Variants in ZRANB3 observed in about 807,000 individuals in gnomAD.
ZRANB3 encodes the protein zinc finger RANBP2-type containing 3, also known as DNA annealing helicase and endonuclease ZRANB3.
Under a neutral mutation model 133.8 loss-of-function variants are expected in ZRANB3, and 125 were observed. That is an observed-to-expected ratio of 0.93 (90% CI 0.81 to 1.08). ZRANB3 has a LOEUF of 1.08. Among genes scored for constraint, ZRANB3 ranks in the 50% least tolerant of loss-of-function variants. The probability of loss-of-function intolerance (pLI) is 0.00; values close to 1 mark genes in which losing one functional copy is unlikely to be tolerated. For synonymous variants in ZRANB3, 387 were observed against 432.7 expected, an observed-to-expected ratio of 0.89 and a Z score of 1.31; for missense variants, 1,229 against 1,275.5, an observed-to-expected ratio of 0.96 and a Z score of 0.56.
rs2105120543 is a variant in ZRANB3, at chr2:135,271,858, A to C, written c.1116T>G (p.Val372=). 1 of 1,613,704 alleles carries C rather than the reference A, an allele frequency of 6.2e-7. No individual in the cohort carries two copies. Among genetic ancestry groups the C allele is most frequent in the African/African-American group, 1.3e-5 (1 of 75,040 alleles). Residue 372 remains valine (V), a synonymous_variant, in exon 10 of 21, where the codon GTT becomes GTG. Coordinates refer to ENST00000264159, the MANE Select transcript of ZRANB3 (RefSeq NM_032143.4). ...KTRYIRIDGS[V]SSSERIHLVN... is the part of the protein sequence containing the mutation. ...CCAGATGTATTCTTTCTGAAGATGA[A>C]ACACTTCCATCTATCCTAATGTAAC...
At chr2:135,360,350 C>T (rs183045822) in intron 3 of ZRANB3, among the ~76,000 whole-genome samples, 260 of 151,704 alleles carry the variant, frequency 1.7e-3, no homozygotes, top group Non-Finnish European at 2.6e-3. Flanking sequence ...GTTTGTACTC[C>T]AGCCTGGGCG....
At chr2:135,528,824 T>C (rs1393968063) in intron 1 of ZRANB3, among the ~76,000 whole-genome samples, 1 of 152,002 alleles carries the variant, frequency 6.6e-6, no homozygotes. Flanking sequence ...ATTTACCATC[T>C]TACTTTGTAT....
At chr2:135,530,013 G>A (rs550525410) in intron 1 of ZRANB3, among the ~76,000 whole-genome samples, 1 of 151,428 alleles carries the variant, frequency 6.6e-6, no homozygotes, top group South Asian at 2.1e-4. Flanking sequence ...GGATCACGAG[G>A]TCAGGAGATC....
chr2:135,261,263 A>G (rs79545254), intron 12 of ZRANB3, among the ~76,000 whole-genome samples: 7 of 152,182 alleles, frequency 4.6e-5, no homozygotes, highest in Non-Finnish European at 1.5e-5. Context: ...AATTCTGGCA[A>G]TGTTCAGAAG....
intron 8 of ZRANB3, among the ~76,000 whole-genome samples, chr2:135,308,794 C>A (rs912331612): frequency 6.6e-6 from 1 of 151,572 alleles, no homozygotes; most frequent in Non-Finnish European, 1.5e-5. Flanking sequence ...AATTCCTTCA[C>A]TTATAGTAGT....
intron 2 of ZRANB3, among the ~76,000 whole-genome samples, chr2:135,472,497 CAAAAAAAAAAAA>C (rs35241215): frequency 1.6e-5 from 1 of 62,002 alleles, no homozygotes; most frequent in Non-Finnish European, 3.8e-5. Context: ...GACTCGGTCT[CAAAAAAAAAAAA>C]AAAAAAAAAA....
At chr2:135,306,926 A>G (rs1024860954) in intron 8 of ZRANB3, among the ~76,000 whole-genome samples, 7 of 151,892 alleles carry the variant, frequency 4.6e-5, no homozygotes, top group Non-Finnish European at 1.0e-4. Flanking sequence ...GGGTTTCACC[A>G]TGTTGGCCAG....
At chr2:135,361,696 C>G (rs1685701014) in intron 3 of ZRANB3, among the ~76,000 whole-genome samples, 1 of 152,084 alleles carries the variant, frequency 6.6e-6, no homozygotes, top group African/African-American at 2.4e-5. Flanking sequence ...TTGGAGGACC[C>G]TTTTAGGTAT....
chr2:135,449,839 C>T lies in ZRANB3; in HGVS notation c.161+54490G>A, dbSNP rs560004799. On this transcript the variant is annotated intron_variant, in intron 2 of 20. Transcript: ENST00000264159. ...GTGACAAAACCTTGGGTCATCACAG[C>T]CTCGAACTCACAGACTCAAGCAATC... Among the ~76,000 whole-genome samples the T allele has an allele frequency of 7.9e-5, 12 of 152,252 alleles. No individual in the cohort carries two copies. In the East Asian group the frequency reaches 1.7e-3, roughly 22 times the overall value.
intron 2 of ZRANB3, among the ~76,000 whole-genome samples, chr2:135,410,432 T>C (rs1038936137): frequency 3.9e-5 from 6 of 152,160 alleles, no homozygotes. Flanking sequence ...TGTCTAGCCA[T>C]ATGCAGAAGA....
At chr2:135,497,426 G>A (rs929825546) in intron 2 of ZRANB3, among the ~76,000 whole-genome samples, 3 of 152,158 alleles carry the variant, frequency 2.0e-5, no homozygotes, top group African/African-American at 7.2e-5. Context: ...ATCTACAACT[G>A]CACTATTCCA....
chr2:135,528,154 T>G (rs867918039), intron 1 of ZRANB3, among the ~76,000 whole-genome samples: 64 of 152,162 alleles, frequency 4.2e-4, no homozygotes, highest in Admixed American at 1.3e-3. Flanking sequence ...TTTTTTTTTT[T>G]TGTGGTTTGT....
At chr2:135,443,836 CA>C (rs1689902891) in intron 2 of ZRANB3, among the ~76,000 whole-genome samples, 1 of 151,926 alleles carries the variant, frequency 6.6e-6, no homozygotes, top group Non-Finnish European at 1.5e-5. Context: ...ATTGGATTAA[CA>C]AAATAAAGTA....
chr2:135,407,119 CAA>C (rs1688075889), intron 2 of ZRANB3, among the ~76,000 whole-genome samples: 1 of 152,184 alleles, frequency 6.6e-6, no homozygotes, highest in Admixed American at 6.5e-5. Flanking sequence ...GCAACTTCAG[CAA>C]AGTCTCAGAA....
intron 12 of ZRANB3, among the ~76,000 whole-genome samples, chr2:135,263,912 A>T (rs1248526205): frequency 3.3e-5 from 5 of 150,920 alleles, no homozygotes; most frequent in Non-Finnish European, 7.4e-5. Flanking sequence ...AGTAGCTGGG[A>T]TTACAGGCAT....
intron 8 of ZRANB3, among the ~76,000 whole-genome samples, chr2:135,289,772 G>A (rs1227915867): frequency 2.6e-5 from 4 of 152,070 alleles, no homozygotes; most frequent in Non-Finnish European, 4.4e-5. Context: ...GAGTGGTGGC[G>A]CATGCCTGTA....
chr2:135,257,917 G>A (rs1330371863), intron 12 of ZRANB3, among the ~76,000 whole-genome samples: 7 of 152,118 alleles, frequency 4.6e-5, no homozygotes, highest in South Asian at 2.1e-4. Flanking sequence ...GTATGACCTC[G>A]GGCAGATTAT....
At chr2:135,493,970 T>A (rs79795607) in intron 2 of ZRANB3, among the ~76,000 whole-genome samples, 2 of 151,944 alleles carry the variant, frequency 1.3e-5, no homozygotes, top group African/African-American at 4.8e-5. Context: ...TGAGAGAAGA[T>A]CCACATAAAC....
At chr2:135,463,440 G>T (rs374768424) in intron 2 of ZRANB3, among the ~76,000 whole-genome samples, 1 of 149,812 alleles carries the variant, frequency 6.7e-6, no homozygotes, top group African/African-American at 2.5e-5. Context: ...TTTTTGAGAC[G>T]GAGTTTTACT....
Sources: gnomAD v4.1 joint callset for allele counts (sites outside exome capture counted in the v4.1 genomes callset) on GRCh38, gnomAD v4.1.1 for gene constraint, MANE v1.5 for transcripts, NCBI Gene and HGNC (gene_info 2026-07-23, HGNC 2026-07-21) for gene names.